Variants in MAP3K5 observed in about 807,000 individuals in gnomAD.
MAP3K5 encodes ASK-1.
Under a neutral mutation model 158.7 loss-of-function variants are expected in MAP3K5, and 56 were observed. That is an observed-to-expected ratio of 0.35 (90% CI 0.28 to 0.44). The LOEUF (loss-of-function observed/expected upper bound fraction) is 0.44, where lower values mean the gene tolerates loss of function less well. Ranked by LOEUF, MAP3K5 falls within the 20% of genes least tolerant of loss-of-function variation. MAP3K5 has a pLI of 1.00. For synonymous variants in MAP3K5, 579 were observed against 601.7 expected (o/e 0.96, Z 0.55); for missense variants, 1,294 against 1,674.8 (o/e 0.77, Z 3.97).
At chr6:136,758,591 A>G (rs1783606993) in intron 1 of MAP3K5, among the ~76,000 whole-genome samples, 1 of 152,234 alleles carries the variant, frequency 6.6e-6, no homozygotes, top group Non-Finnish European at 1.5e-5. Flanking sequence ...CCAGATCTAG[A>G]TTCTTAGACT....
intron 24 of MAP3K5, among the ~76,000 whole-genome samples, chr6:136,582,263 CGTGTGTGTGTGTGTGTGTGTGT>C: frequency 7.2e-6 from 1 of 138,130 alleles, no homozygotes; most frequent in Non-Finnish European, 1.6e-5. Flanking sequence ...TGTGTGTATA[CGTGTGTGTGTGTGTGTGTGTGT>C]GTGTGTGTGT....
intron 1 of MAP3K5, among the ~76,000 whole-genome samples, chr6:136,733,543 T>C (rs879729905): frequency 6.6e-6 from 1 of 152,200 alleles, no homozygotes; most frequent in South Asian, 2.1e-4. Context: ...CCCAAAAAAG[T>C]GTTATTCTCC....
At chr6:136,774,065 T>C (rs1195896803) in intron 1 of MAP3K5, among the ~76,000 whole-genome samples, 1 of 152,168 alleles carries the variant, frequency 6.6e-6, no homozygotes, top group African/African-American at 2.4e-5. Context: ...TATTATAAAA[T>C]GCCTGGCACA....
intron 12 of MAP3K5, among the ~76,000 whole-genome samples, chr6:136,641,825 T>C (rs745879393): frequency 2.0e-5 from 3 of 151,128 alleles, no homozygotes; most frequent in Non-Finnish European, 2.9e-5. Flanking sequence ...CTGTCTCTAC[T>C]AAAATTACAA....
chr6:136,632,281 G>T (rs972530968), intron 14 of MAP3K5, among the ~76,000 whole-genome samples: 1 of 152,184 alleles, frequency 6.6e-6, no homozygotes, highest in Non-Finnish European at 1.5e-5. Flanking sequence ...AGCATTTTGG[G>T]AGGCCAAGGC....
intron 2 of MAP3K5, among the ~76,000 whole-genome samples, chr6:136,719,935 A>G (rs1347033210): frequency 1.3e-5 from 2 of 152,222 alleles, no homozygotes; most frequent in Non-Finnish European, 2.9e-5. Flanking sequence ...GGAGAGAATG[A>G]CATCGAGACA....
At chr6:136,701,249 C>T (rs368508875) in intron 3 of MAP3K5, among the ~76,000 whole-genome samples, 1 of 152,176 alleles carries the variant, frequency 6.6e-6, no homozygotes, top group Non-Finnish European at 1.5e-5. Context: ...TCACTTTCTA[C>T]GGGAACTCTG....
chr6:136,791,890 G>T lies in MAP3K5; in HGVS notation c.268C>A (p.Arg90=), dbSNP rs763022126. The change falls in exon 1 of 30, where the codon CGG becomes AGG. Residue 90 remains arginine, a synonymous_variant. Coordinates refer to ENST00000359015, the MANE Select transcript of MAP3K5 (RefSeq NM_005923.4). Reference sequence around the variant, plus strand: ...TTGATCACATATGCCACCGTGGTCCGTCGGCTGCCCCCGCCAACAGAGCTG... The same window carrying T: ...TTGATCACATATGCCACCGTGGTCCTTCGGCTGCCCCCGCCAACAGAGCTG... The part of the protein sequence containing the change: ...RGSSVGGGSR[R]TTVAYVINEA... The T allele has an allele frequency of 1.9e-6, 3 of 1,613,308 alleles. No individual in the cohort carries two copies. The South Asian group carries it at 3.3e-5, about 18-fold the overall frequency.
intron 18 of MAP3K5, among the ~76,000 whole-genome samples, chr6:136,607,356 A>C (rs1583263721): frequency 6.6e-6 from 1 of 152,238 alleles, no homozygotes; most frequent in African/African-American, 2.4e-5. Context: ...ATTATGCAAT[A>C]TTTGATTTGT....
chr6:136,610,646 G>A (rs1583269721), intron 18 of MAP3K5, among the ~76,000 whole-genome samples: 1 of 143,510 alleles, frequency 7.0e-6, no homozygotes, highest in African/African-American at 2.6e-5. Context: ...GGCCAACCAG[G>A]AAAGAAGTAA....
intron 21 of MAP3K5, among the ~76,000 whole-genome samples, chr6:136,598,081 A>C (rs9376212): frequency 6.6e-6 from 1 of 152,114 alleles, no homozygotes; most frequent in Non-Finnish European, 1.5e-5. Context: ...TGATTCCTTA[A>C]CATTTCATAA....
chr6:136,701,404 G>C (rs775090012), intron 3 of MAP3K5, among the ~76,000 whole-genome samples: 4 of 152,174 alleles, frequency 2.6e-5, no homozygotes, highest in Non-Finnish European at 5.9e-5. Flanking sequence ...CTCACTTCCA[G>C]TTAAAGCACA....
At chr6:136,738,190 A>G (rs1399158715) in intron 1 of MAP3K5, among the ~76,000 whole-genome samples, 1 of 152,190 alleles carries the variant, frequency 6.6e-6, no homozygotes, top group Non-Finnish European at 1.5e-5. Flanking sequence ...AGGGAGAAAG[A>G]AATTTCATTT....
At chr6:136,692,989 T>C (rs1230922983) in intron 7 of MAP3K5, among the ~76,000 whole-genome samples, 1 of 152,192 alleles carries the variant, frequency 6.6e-6, no homozygotes, top group Non-Finnish European at 1.5e-5. Context: ...GCTTATCCAA[T>C]AGTCATACAT....
intron 12 of MAP3K5, among the ~76,000 whole-genome samples, chr6:136,641,700 T>C (rs921551832): frequency 2.6e-5 from 4 of 151,296 alleles, no homozygotes; most frequent in Non-Finnish European, 5.9e-5. Context: ...TTAGTGTTAG[T>C]GACAGGGGCC....
At chr6:136,570,626 CT>C (rs1158982858) in intron 25 of MAP3K5, among the ~76,000 whole-genome samples, 2 of 152,246 alleles carry the variant, frequency 1.3e-5, no homozygotes, top group Admixed American at 1.3e-4. Context: ...TTCTTTATCC[CT>C]CTTTTAAAAT....
intron 10 of MAP3K5, among the ~76,000 whole-genome samples, chr6:136,654,352 A>C (rs899718926): frequency 1.6e-4 from 25 of 152,248 alleles, no homozygotes; most frequent in African/African-American, 5.8e-4. Flanking sequence ...GCAAAAAAAT[A>C]GTGTCTCACT....
chr6:136,590,554 T>TTG (rs1166014025), intron 23 of MAP3K5, among the ~76,000 whole-genome samples: 1 of 151,706 alleles, frequency 6.6e-6, no homozygotes, highest in Non-Finnish European at 1.5e-5. Context: ...CTTTTTTTTT[T>TTG]TTTTGAGACA....
chr6:136,567,122 T>G (rs1238511980), intron 26 of MAP3K5, among the ~76,000 whole-genome samples: 1 of 152,218 alleles, frequency 6.6e-6, no homozygotes, highest in Non-Finnish European at 1.5e-5. Context: ...CAAATTATAC[T>G]CCAGATATGT....
Sources: gnomAD v4.1 joint callset for allele counts (sites outside exome capture counted in the v4.1 genomes callset) on GRCh38, gnomAD v4.1.1 for gene constraint, MANE v1.5 for transcripts, NCBI Gene and HGNC (gene_info 2026-07-23, HGNC 2026-07-21) for gene names.